IQCM: variants seen among roughly 807,000 people sequenced by gnomAD.
IQCM encodes the protein IQ motif containing M.
Under a neutral mutation model 57.6 loss-of-function variants are expected in IQCM, and 45 were observed. That is an observed-to-expected ratio of 0.78 (90% confidence interval 0.62 to 1.00). The LOEUF is 1.00. Ranked by LOEUF, IQCM falls within the 50% of genes least tolerant of loss-of-function variation. The probability of loss-of-function intolerance (pLI) is 0.00; values close to 1 mark genes in which losing one functional copy is unlikely to be tolerated. For synonymous variants in IQCM, 148 were observed against 158.9 expected (o/e 0.93, Z 0.51); for missense variants, 468 against 511.6 (o/e 0.91, Z 0.82).
chr4:149,801,637 G>A (rs1580334808), intron 2 of IQCM, among the ~76,000 whole-genome samples: 1 of 151,868 alleles, frequency 6.6e-6, no homozygotes, highest in Admixed American at 6.6e-5. Flanking sequence ...ATAAGCCAGG[G>A]ACAGAAACAC....
chr4:149,694,595 G>A, intron 5 of IQCM, among the ~76,000 whole-genome samples: 1 of 151,754 alleles, frequency 6.6e-6, no homozygotes, highest in Non-Finnish European at 1.5e-5. Flanking sequence ...TGTAAAAATC[G>A]TCTATGTTAA....
chr4:149,592,202 C>A (rs1335672833), intron 8 of IQCM, among the ~76,000 whole-genome samples: 1 of 152,096 alleles, frequency 6.6e-6, no homozygotes, highest in Non-Finnish European at 1.5e-5. Flanking sequence ...TCTCTGATGG[C>A]CAGTGATGAT....
At chr4:149,681,709 A>G (rs147418581) in intron 7 of IQCM, among the ~76,000 whole-genome samples, 38 of 151,248 alleles carry the variant, frequency 2.5e-4, no homozygotes, top group African/African-American at 7.5e-4. Flanking sequence ...CTTTGAATCA[A>G]TAGCCCCCTA....
At chr4:149,650,090 T>C (rs1397530398) in intron 7 of IQCM, among the ~76,000 whole-genome samples, 2 of 152,154 alleles carry the variant, frequency 1.3e-5, no homozygotes, top group Non-Finnish European at 2.9e-5. Context: ...CAAAAAGATA[T>C]GTTGACGTTC....
chr4:149,630,539 T>C (rs1186202048), intron 7 of IQCM, among the ~76,000 whole-genome samples: 1 of 152,178 alleles, frequency 6.6e-6, no homozygotes, highest in Non-Finnish European at 1.5e-5. Context: ...AATTAATTAG[T>C]TTTTCATTTA....
intron 8 of IQCM, among the ~76,000 whole-genome samples, chr4:149,599,609 T>C (rs1480768820): frequency 6.6e-6 from 1 of 152,040 alleles, no homozygotes; most frequent in African/African-American, 2.4e-5. Context: ...ATAGAAAAAT[T>C]TTAATAAAAT....
intron 12 of IQCM, among the ~76,000 whole-genome samples, chr4:149,530,020 C>T (rs1437377923): frequency 6.6e-6 from 1 of 152,068 alleles, no homozygotes; most frequent in East Asian, 1.9e-4. Flanking sequence ...TCTCATTATC[C>T]ACTCCTGCCT....
At chr4:149,422,322 G>A (rs925963256) in intron 13 of IQCM, among the ~76,000 whole-genome samples, 5 of 151,868 alleles carry the variant, frequency 3.3e-5, no homozygotes, top group Non-Finnish European at 7.4e-5. Flanking sequence ...AAAAAGGTTG[G>A]TACTCAACAT....
At chr4:149,457,040 C>A (rs1737779843) in intron 12 of IQCM, among the ~76,000 whole-genome samples, 1 of 152,092 alleles carries the variant, frequency 6.6e-6, no homozygotes, top group Admixed American at 6.6e-5. Flanking sequence ...GAATGTTCCA[C>A]AACTCTAAAT....
chr4:149,691,576 G>A (rs1762940087), intron 5 of IQCM, among the ~76,000 whole-genome samples: 1 of 152,102 alleles, frequency 6.6e-6, no homozygotes, highest in Non-Finnish European at 1.5e-5. Context: ...TACAGCAATG[G>A]TAAAGAAGTT....
intron 7 of IQCM, among the ~76,000 whole-genome samples, chr4:149,629,140 A>G (rs756045360): frequency 1.3e-5 from 2 of 152,186 alleles, no homozygotes; most frequent in Non-Finnish European, 2.9e-5. Context: ...GTGTAGTTAC[A>G]TGGATTCTAT....
chr4:149,717,243 C>G (rs148883108), intron 5 of IQCM, among the ~76,000 whole-genome samples: 2,569 of 152,200 alleles, frequency 0.017, 37 homozygotes, highest in Non-Finnish European at 0.025. Context: ...AAGTGACGGG[C>G]AGTTTGAGGA....
chr4:149,645,886 A>G (rs1362403737), intron 7 of IQCM, among the ~76,000 whole-genome samples: 1 of 152,052 alleles, frequency 6.6e-6, no homozygotes, highest in East Asian at 1.9e-4. Flanking sequence ...CAGGCATTCC[A>G]GGCCTCCCAC....
intron 12 of IQCM, among the ~76,000 whole-genome samples, chr4:149,490,495 A>G (rs2149773645): frequency 6.6e-6 from 1 of 152,242 alleles, no homozygotes; most frequent in Admixed American, 6.5e-5. Context: ...GAAAATAAAA[A>G]ACATACTATG....
At chr4:149,647,094 T>G (rs1758707441) in intron 7 of IQCM, among the ~76,000 whole-genome samples, 1 of 152,182 alleles carries the variant, frequency 6.6e-6, no homozygotes, top group South Asian at 2.1e-4. Flanking sequence ...CATTACTTTT[T>G]ATTATGTTGT....
At chr4:149,779,404 T>G (rs555156249) in intron 2 of IQCM, among the ~76,000 whole-genome samples, 1 of 152,144 alleles carries the variant, frequency 6.6e-6, no homozygotes, top group Non-Finnish European at 1.5e-5. Flanking sequence ...CTGTGTTGTA[T>G]TGGCATAGAC....
intron 11 of IQCM, among the ~76,000 whole-genome samples, chr4:149,550,454 C>G (rs1748917259): frequency 1.3e-5 from 2 of 152,242 alleles, no homozygotes; most frequent in South Asian, 4.1e-4. Context: ...AAATGTATTT[C>G]TCCTTGAGAA....
chr4:149,360,278 C>T (rs911178808), intron 13 of IQCM, among the ~76,000 whole-genome samples: 2 of 151,970 alleles, frequency 1.3e-5, no homozygotes. Flanking sequence ...TTAAAAAATG[C>T]AGTGCAATAC....
chr4:149,715,639 G>A (rs563579652), intron 5 of IQCM, among the ~76,000 whole-genome samples: 263 of 152,268 alleles, frequency 1.7e-3, no homozygotes, highest in African/African-American at 5.2e-3. Flanking sequence ...CCATCTGGTG[G>A]GTCCGGAGTT....
Sources: allele counts gnomAD v4.1 joint callset (sites outside exome capture counted in the v4.1 genomes callset), GRCh38; gene constraint gnomAD v4.1.1; transcripts MANE v1.5; gene names NCBI Gene and HGNC (gene_info 2026-07-23, HGNC 2026-07-21).